RCN1: variants seen among roughly 807,000 people sequenced by gnomAD.
The protein encoded by RCN1 is reticulocalbin-1.
In RCN1, 14 loss-of-function variants were observed where a neutral mutation model predicts 34.7. The observed-to-expected ratio is 0.40, with a 90% confidence interval of 0.27 to 0.63. The LOEUF (loss-of-function observed/expected upper bound fraction) is 0.63. Among genes scored for constraint, RCN1 ranks in the 30% least tolerant of loss-of-function variants. The pLI, the probability that RCN1 is intolerant of heterozygous loss-of-function variation, is 0.37. For synonymous variants in RCN1, 125 were observed against 165.5 expected (o/e 0.76, Z 1.88); for missense variants, 326 against 425.1 (o/e 0.77, Z 2.05).
Position 32,091,319 on chromosome 11 carries a change from C to G in RCN1, c.123C>G (p.Pro41=), listed in dbSNP as rs1851918417. The change falls in exon 1 of 6, where the codon CCC becomes CCG. Residue 41 remains proline (P), a synonymous_variant. Coordinates refer to ENST00000054950, the MANE Select transcript of RCN1 (RefSeq NM_002901.4). ...PTVRKERVVR[P]DSELGERPPE... is the part of the protein sequence containing the mutation. ...TGCGCAAAGAGCGCGTGGTGCGGCC[C>G]GACTCGGAGCTGGGCGAGCGGCCCC... 4 of 1,547,686 alleles carry G rather than the reference C, an allele frequency of 2.6e-6. No individual in the cohort carries two copies. The highest frequency in any genetic ancestry group is 2.0e-5 in the Admixed American group (1 of 50,938).
chr11:32,101,103 T>C (rs1852032502), intron 4 of RCN1, among the ~76,000 whole-genome samples: 1 of 152,198 alleles, frequency 6.6e-6, no homozygotes, highest in Non-Finnish European at 1.5e-5. Context: ...CTTTACAGAG[T>C]GCACAATTGC....
intron 1 of RCN1, among the ~76,000 whole-genome samples, chr11:32,094,385 C>T (rs1344524644): frequency 6.6e-6 from 1 of 152,210 alleles, no homozygotes; most frequent in Non-Finnish European, 1.5e-5. Flanking sequence ...GTTTCACATA[C>T]AGACCCCCAT....
In RCN1 at chr11:32,098,466, G is replaced by A; in HGVS notation, c.565G>A (p.Glu189Lys). Residue 189 changes from glutamate (E) to lysine (K), a missense_variant, in exon 3 of 6, where the codon GAG becomes AAG. Physicochemically the swap from Glu to Lys is moderately conservative, Grantham distance 56. Transcript: ENST00000054950. ...CAATGGTGACCTGACAGCTACTCGGGAGGAGTTCACTGCCTTTCTGCATCC... is the reference window on the plus strand; with the variant it reads ...CAATGGTGACCTGACAGCTACTCGGAAGGAGTTCACTGCCTTTCTGCATCC... ...DLNGDLTATR[E>K]EFTAFLHPEE... 3 of 1,614,136 alleles carry A rather than the reference G, an allele frequency of 1.9e-6. No homozygotes were observed. The highest frequency in any genetic ancestry group is 2.5e-6 in the Non-Finnish European group (3 of 1,180,010).
chr11:32,095,901 G>C (rs1037164727), intron 1 of RCN1, among the ~76,000 whole-genome samples: 1 of 152,140 alleles, frequency 6.6e-6, no homozygotes, highest in South Asian at 2.1e-4. Flanking sequence ...CAAGCTGTTG[G>C]TGATGTTTAC....
Position 32,091,469 on chromosome 11 carries a change from C to T in RCN1, c.254+19C>T, listed in dbSNP as rs1487486178. The stretch of plus-strand genomic sequence containing the variant: ...GGCTAGGGTGAGGCCGCGGCCAGGG[C>T]CCCGTGGGGGGCGGCGCAGGTGTCC... On this transcript the variant is annotated intron_variant, in intron 1 of 5. Transcript: ENST00000054950. 2.0e-6 allele frequency: 3 copies of T among 1,538,170 alleles called. No individual in the cohort carries two copies. The highest frequency in any genetic ancestry group is 2.0e-5 in the Admixed American group (1 of 49,498).
intron 1 of RCN1, chr11:32,091,668 G>T (rs1361572169): frequency 3.5e-6 from 2 of 578,628 alleles, no homozygotes; most frequent in Admixed American, 4.2e-5. Flanking sequence ...CCCGGCCGGG[G>T]TGGTTTCTCG....
chr11:32,092,782 T>C (rs1045103562), intron 1 of RCN1, among the ~76,000 whole-genome samples: 2 of 151,852 alleles, frequency 1.3e-5, no homozygotes, highest in African/African-American at 4.8e-5. Context: ...TTCCTGGGGG[T>C]GGAGGATCTT....
At chr11:32,095,545 C>G (rs1851964003) in intron 1 of RCN1, among the ~76,000 whole-genome samples, 1 of 152,098 alleles carries the variant, frequency 6.6e-6, no homozygotes, top group South Asian at 2.1e-4. Context: ...GTAGCTGGGA[C>G]TACAGGCACC....
intron 4 of RCN1, among the ~76,000 whole-genome samples, chr11:32,101,821 T>G (rs1388997630): frequency 6.6e-6 from 1 of 152,154 alleles, no homozygotes; most frequent in Non-Finnish European, 1.5e-5. Flanking sequence ...CCTCTTACTG[T>G]GGCACTGGGG....
At chr11:32,099,951 C>G in intron 3 of RCN1, among the ~76,000 whole-genome samples, 1 of 152,322 alleles carries the variant, frequency 6.6e-6, no homozygotes, top group East Asian at 1.9e-4. Flanking sequence ...CAGGTTGGCT[C>G]TTTGGTTTGA....
intron 1 of RCN1, among the ~76,000 whole-genome samples, chr11:32,095,685 G>A (rs1349019264): frequency 6.6e-6 from 1 of 152,048 alleles, no homozygotes; most frequent in African/African-American, 2.4e-5. Flanking sequence ...TGGGACCACA[G>A]GCGTGAGCCA....
At position 32,104,660 on chromosome 11, in the gene RCN1, G is replaced by C; in HGVS notation, c.*188G>C. ...ATGGACATCACTAGTCTTTCAGTAA[G>C]ATTTCTCTCAAAACACGTGAAAACC... is the stretch of plus-strand genomic sequence containing the variant. On this transcript the variant is annotated 3_prime_UTR_variant, in exon 6 of 6. Transcript: ENST00000054950. 2.1e-6 allele frequency: 1 copy of C among 483,348 alleles called. No homozygotes were observed. Among genetic ancestry groups the C allele is most frequent in the Non-Finnish European group, 3.7e-6 (1 of 273,422 alleles). The allele number at this position is 483,348 out of a possible 1,614,324, so 29.9% of individuals were successfully genotyped here.
intron 1 of RCN1, among the ~76,000 whole-genome samples, chr11:32,093,874 C>A (rs2133472446): frequency 1.3e-5 from 2 of 152,214 alleles, no homozygotes; most frequent in South Asian, 4.2e-4. Context: ...AGGTGAATGC[C>A]AAAGGGGCTT....
chr11:32,093,918 G>T (rs536009512), intron 1 of RCN1, among the ~76,000 whole-genome samples: 1 of 152,230 alleles, frequency 6.6e-6, no homozygotes, highest in Admixed American at 6.5e-5. Context: ...GATGAATCTA[G>T]ACACCAGTGG....
intron 1 of RCN1, among the ~76,000 whole-genome samples, chr11:32,092,603 C>T (rs564327426): frequency 6.6e-6 from 1 of 152,128 alleles, no homozygotes. Context: ...CATTTTAGTA[C>T]ACCCTCCCCG....
chr11:32,103,111 T>A (rs1406714678), intron 4 of RCN1, 170 bp from the exon 5 acceptor site: 1 of 678,522 alleles, frequency 1.5e-6, no homozygotes, highest in Admixed American at 2.3e-5. Flanking sequence ...TCATCATGAA[T>A]AAATTACTGC....
chr11:32,099,057 C>T (rs901150279), intron 3 of RCN1, among the ~76,000 whole-genome samples: 3 of 152,132 alleles, frequency 2.0e-5, no homozygotes, highest in African/African-American at 7.2e-5. Flanking sequence ...CAGTGGCTCA[C>T]GCCTGTAATC....
chr11:32,102,902 C>T (rs1287742066), intron 4 of RCN1: 1 of 423,802 alleles, frequency 2.4e-6, no homozygotes, highest in Non-Finnish European at 4.6e-6. Context: ...TTAGTTTTCG[C>T]TTATGTAGTG....
chr11:32,100,643 T>C (rs1289822677), intron 4 of RCN1, 35 bp downstream of exon 4: 1 of 1,571,456 alleles, frequency 6.4e-7, no homozygotes, highest in Non-Finnish European at 8.8e-7. Flanking sequence ...TCAGCTGTCC[T>C]GACTGGGCCA....
Sources: allele counts gnomAD v4.1 joint callset (sites outside exome capture counted in the v4.1 genomes callset), GRCh38; gene constraint gnomAD v4.1.1; transcripts MANE v1.5; gene names NCBI Gene and HGNC (gene_info 2026-07-23, HGNC 2026-07-21).